Variants in IL2RA observed in about 807,000 individuals in gnomAD.
The protein encoded by IL2RA is interleukin-2 receptor subunit alpha.
In IL2RA, 24 loss-of-function variants were observed where a neutral mutation model predicts 37.8. That is an observed-to-expected ratio of 0.63 (90% confidence interval 0.46 to 0.89). The LOEUF is 0.89. IL2RA is among the 40% of genes least tolerant of loss of function. The pLI, the probability that IL2RA is intolerant of heterozygous loss-of-function variation, is 0.00. For synonymous variants in IL2RA, 125 were observed against 114.6 expected, an observed-to-expected ratio of 1.09 and a Z score of -0.58; for missense variants, 319 against 348.6, an observed-to-expected ratio of 0.92 and a Z score of 0.68.
chr10:6,050,171 T>C (rs1049230728), intron 1 of IL2RA, among the ~76,000 whole-genome samples: 1 of 152,174 alleles, frequency 6.6e-6, no homozygotes, highest in Non-Finnish European at 1.5e-5. Flanking sequence ...ACAGGGTGAC[T>C]GAAAACCAGA....
rs1387137547 is a variant in IL2RA, at chr10:6,058,347, C to T, written c.64+3741G>A. Among the ~76,000 whole-genome samples the T allele has an allele frequency of 1.3e-5, 2 of 152,116 alleles. No individual in the cohort carries two copies. The highest frequency in any genetic ancestry group is 1.3e-4 in the Admixed American group (2 of 15,270). The stretch of plus-strand genomic sequence containing the variant: ...GTCAATTTTTTTCTTTTTCAATTCT[C>T]ACATCTAAAATGAAGTATATGCACA... On this transcript the variant is annotated intron_variant, in intron 1 of 7. Transcript: ENST00000379959. This position sits in a 1 kb window ranked among gnomAD's most constrained non-coding sequence, Gnocchi z 4.2.
In IL2RA at chr10:6,058,576, T is replaced by G. The variant is rs1261085361; in HGVS notation, c.64+3512A>C. On this transcript the variant is annotated intron_variant, in intron 1 of 7. Coordinates refer to ENST00000379959, the MANE Select transcript of IL2RA (RefSeq NM_000417.3). The surrounding 1 kb of genome is among the most constrained non-coding windows in gnomAD (Gnocchi z 4.2). ...AAGGGTTAAACATTTTGTGTTTGAC[T>G]GACAAAGGTGAAGATGGGAAATTCC... Among the ~76,000 whole-genome samples, 1 of 152,232 alleles carries G rather than the reference T, an allele frequency of 6.6e-6. No individual in the cohort carries two copies. The highest frequency in any genetic ancestry group is 1.5e-5 in the Non-Finnish European group (1 of 68,042).
intron 2 of IL2RA, 66 bp from the exon 3 acceptor site, chr10:6,024,420 T>C: frequency 1.7e-6 from 2 of 1,184,428 alleles, no homozygotes; most frequent in Non-Finnish European, 2.5e-6. Flanking sequence ...ACTGTTCATG[T>C]ATTCATTCAC....
Position 6,033,254 on chromosome 10 carries a change from G to A in IL2RA, c.65-7229C>T, listed in dbSNP as rs540253028. Reference sequence around the variant, plus strand: ...TGCAGTGAGCTGAGATCACGCCACTGCCCTCCAGCCTGGGCAACAGAGTGA... The same window carrying A: ...TGCAGTGAGCTGAGATCACGCCACTACCCTCCAGCCTGGGCAACAGAGTGA... On this transcript the variant is annotated intron_variant, in intron 1 of 7. Coordinates refer to ENST00000379959, the MANE Select transcript of IL2RA (RefSeq NM_000417.3). The surrounding 1 kb of genome is among the most constrained non-coding windows in gnomAD (Gnocchi z 4.3). 6.6e-6 allele frequency among the ~76,000 whole-genome samples: 1 copy of A among 152,086 alleles called. No homozygotes were observed. Among genetic ancestry groups the A allele is most frequent in the African/African-American group, 2.4e-5 (1 of 41,482 alleles).
At position 6,028,761 on chromosome 10, in the gene IL2RA, G is replaced by A. The variant is rs972603578; in HGVS notation, c.65-2736C>T. Among the ~76,000 whole-genome samples the A allele has an allele frequency of 7.2e-5, 11 of 152,146 alleles. No individual in the cohort carries two copies. Among genetic ancestry groups the A allele is most frequent in the Non-Finnish European group, 1.5e-4 (10 of 68,022 alleles). ...GCCTGTAATCCCAGCACTTTGGGGC[G>A]ACAAGGCAGGCGGATCATCTGAGGT... On this transcript the variant is annotated intron_variant, in intron 1 of 7. Coordinates refer to ENST00000379959, the MANE Select transcript of IL2RA (RefSeq NM_000417.3). This position sits in a 1 kb window ranked among gnomAD's most constrained non-coding sequence, Gnocchi z 4.1.
At position 6,019,801 on chromosome 10, in the gene IL2RA, C is replaced by G. The variant is rs1428866119; in HGVS notation, c.655+69G>C. 4.9e-6 allele frequency: 7 copies of G among 1,423,112 alleles called. No individual in the cohort carries two copies. In the East Asian group the frequency reaches 1.1e-4, roughly 23 times the overall value. The allele number at this position is 1,423,112 out of a possible 1,614,324, so 88.2% of individuals were successfully genotyped here. On this transcript the variant is annotated intron_variant, in intron 5 of 7. Transcript: ENST00000379959. ...GGTCACCTCCGCCTATCTCCCTGAG[C>G]CTGGCTCCTGGTCACCTCTGCCCTT... is the stretch of plus-strand genomic sequence containing the variant.
Position 6,035,180 on chromosome 10 carries a change from A to G in IL2RA, c.65-9155T>C, listed in dbSNP as rs901652238. On this transcript the variant is annotated intron_variant, in intron 1 of 7. Coordinates refer to ENST00000379959, the MANE Select transcript of IL2RA (RefSeq NM_000417.3). The surrounding 1 kb of genome is among the most constrained non-coding windows in gnomAD (Gnocchi z 5.4). ...GCCCAGCACCTACTCCCACCAGGCA[A>G]CTGAGTGGTATTTAGTCTGCAAGAC... Among the ~76,000 whole-genome samples the G allele has an allele frequency of 6.6e-6, 1 of 152,144 alleles. No homozygotes were observed. The highest frequency in any genetic ancestry group is 2.4e-5 in the African/African-American group (1 of 41,444).
At chr10:6,055,796 C>T (rs1486928283) in intron 1 of IL2RA, among the ~76,000 whole-genome samples, 1 of 18,236 alleles carries the variant, frequency 5.5e-5, no homozygotes, top group African/African-American at 1.0e-4. Flanking sequence ...AGAGGCGCCC[C>T]CCACCTCCCG....
rs1839323779 is a variant in IL2RA, at chr10:6,018,888, A to AAATT, written c.727+539_727+540insAATT. ...CTAACAAACCTACTAACCTACCAAC[A>AAATT]AACTAACCAACCAACCAATCTACCA... On this transcript the variant is annotated intron_variant, in intron 6 of 7. Transcript: ENST00000379959. The surrounding 1 kb of genome is among the most constrained non-coding windows in gnomAD (Gnocchi z 5.1). Among the ~76,000 whole-genome samples the AAATT allele has an allele frequency of 6.6e-6, 1 of 151,652 alleles. No homozygotes were observed. Among genetic ancestry groups the AAATT allele is most frequent in the Non-Finnish European group, 1.5e-5 (1 of 67,884 alleles).
Position 6,025,993 on chromosome 10 carries a change from G to T in IL2RA, c.97C>A (p.His33Asn). ...TAGGCCATGGCTTTGAATGTGGCGTGTGGGATCTCTGGCGGGTCATCGTCA... is the reference window on the plus strand; with the variant it reads ...TAGGCCATGGCTTTGAATGTGGCGTTTGGGATCTCTGGCGGGTCATCGTCA... ...LCDDDPPEIPHATFKAMAYKE... is the reference protein window; with the variant it reads ...LCDDDPPEIPNATFKAMAYKE... The change falls in exon 2 of 8, where the codon CAC becomes AAC. Residue 33 changes from histidine (H) to asparagine (N), a missense_variant. His to Asn is a moderately conservative substitution (Grantham distance 68). Transcript: ENST00000379959. This position sits in a 1 kb window ranked among gnomAD's most constrained non-coding sequence, Gnocchi z 4.4. 1 of 1,613,698 alleles carries T rather than the reference G, an allele frequency of 6.2e-7. No homozygotes were observed. Among genetic ancestry groups the T allele is most frequent in the Non-Finnish European group, 8.5e-7 (1 of 1,180,038 alleles).
chr10:6,031,333 A>G lies in IL2RA; in HGVS notation c.65-5308T>C, dbSNP rs547567617. Among the ~76,000 whole-genome samples, 13 of 151,076 alleles carry G rather than the reference A, an allele frequency of 8.6e-5. No individual in the cohort carries two copies. In the East Asian group the frequency reaches 1.9e-3, roughly 23 times the overall value. On this transcript the variant is annotated intron_variant, in intron 1 of 7. Transcript: ENST00000379959. Reference sequence around the variant, plus strand: ...TGGTATGGTTATATTAATATCAGGAAGTAGATTTCAAGATAAGGAACATTA... The same window carrying G: ...TGGTATGGTTATATTAATATCAGGAGGTAGATTTCAAGATAAGGAACATTA...
chr10:6,059,165 C>T (rs1449212169), intron 1 of IL2RA, among the ~76,000 whole-genome samples: 2 of 152,198 alleles, frequency 1.3e-5, no homozygotes, highest in Non-Finnish European at 2.9e-5. Flanking sequence ...TGTCTTTGGC[C>T]ACTGGGTCCT....
chr10:6,041,083 G>A (rs1839764621), intron 1 of IL2RA, among the ~76,000 whole-genome samples: 2 of 151,568 alleles, frequency 1.3e-5, no homozygotes, highest in South Asian at 4.2e-4. Flanking sequence ...TTAACATCAC[G>A]AGTACTTTGA....
At chr10:6,037,251 G>C (rs761269850) in intron 1 of IL2RA, among the ~76,000 whole-genome samples, 16 of 152,098 alleles carry the variant, frequency 1.1e-4, no homozygotes, top group Non-Finnish European at 2.1e-4. Context: ...ACTTTTTGTC[G>C]TTATTTTTTT....
In IL2RA at chr10:6,058,099, C is replaced by A. The variant is rs1840074463; in HGVS notation, c.64+3989G>T. On this transcript the variant is annotated intron_variant, in intron 1 of 7. Transcript: ENST00000379959. This position sits in a 1 kb window ranked among gnomAD's most constrained non-coding sequence, Gnocchi z 4.2. ...CCAATATCTCGCCACTGCACTCCAGCCTGAGTGACAGAGTGAGACCCTGTC... is the reference window on the plus strand; with the variant it reads ...CCAATATCTCGCCACTGCACTCCAGACTGAGTGACAGAGTGAGACCCTGTC... Among the ~76,000 whole-genome samples, 1 of 151,984 alleles carries A rather than the reference C, an allele frequency of 6.6e-6. No individual in the cohort carries two copies. Among genetic ancestry groups the A allele is most frequent in the African/African-American group, 2.4e-5 (1 of 41,382 alleles).
At chr10:6,037,850 A>G (rs547268294) in intron 1 of IL2RA, among the ~76,000 whole-genome samples, 1 of 152,308 alleles carries the variant, frequency 6.6e-6, no homozygotes, top group South Asian at 2.1e-4. Context: ...TGGAAAGAGG[A>G]CGCTGGAGCC....
chr10:6,016,450 C>T (rs893986379), intron 7 of IL2RA, among the ~76,000 whole-genome samples: 21 of 152,192 alleles, frequency 1.4e-4, no homozygotes, highest in African/African-American at 4.3e-4. Context: ...GCTAAGACAC[C>T]ACTGAACTGT....
Position 6,054,088 on chromosome 10 carries a change from A to G in IL2RA, c.64+8000T>C, listed in dbSNP as rs1369714900. ...AGTGACCTTCCGGTCAACCCCACCCATGCCACCCACACTTTGTTGCCCTGG... is the reference window on the plus strand; with the variant it reads ...AGTGACCTTCCGGTCAACCCCACCCGTGCCACCCACACTTTGTTGCCCTGG... On this transcript the variant is annotated intron_variant, in intron 1 of 7. Transcript: ENST00000379959. The surrounding 1 kb of genome is among the most constrained non-coding windows in gnomAD (Gnocchi z 4.5). 2.6e-5 allele frequency among the ~76,000 whole-genome samples: 4 copies of G among 152,134 alleles called. No individual in the cohort carries two copies. The highest frequency in any genetic ancestry group is 2.6e-4 in the Admixed American group (4 of 15,286).
At chr10:6,017,989 C>G (rs990747971) in intron 7 of IL2RA, 64 bp downstream of exon 7, 15 of 1,320,662 alleles carry the variant, frequency 1.1e-5, no homozygotes, top group East Asian at 2.4e-5. Context: ...AGGGGGGAGG[C>G]AGGGTGGGGC....
Sources: gnomAD v4.1 joint callset for allele counts (sites outside exome capture counted in the v4.1 genomes callset) on GRCh38, gnomAD v4.1.1 for gene constraint, Gnocchi (gnomAD v3.1) non-coding constraint, MANE v1.5 for transcripts, NCBI Gene and HGNC (gene_info 2026-07-23, HGNC 2026-07-21) for gene names.